Variants in PCNX2 observed in about 807,000 individuals in gnomAD.
PCNX2 encodes the protein pecanex 2.
PCNX2 carries 168 observed loss-of-function variants against 223.8 expected under a neutral mutation model. That is an observed-to-expected ratio of 0.75 (90% CI 0.66 to 0.85). PCNX2 has a LOEUF of 0.85. Ranked by LOEUF, PCNX2 falls within the 40% of genes least tolerant of loss-of-function variation. The pLI, the probability that PCNX2 is intolerant of heterozygous loss-of-function variation, is 0.00. For synonymous variants in PCNX2, 1,006 were observed against 1,052.6 expected (o/e 0.96, Z 0.86); for missense variants, 2,507 against 2,675.5 (o/e 0.94, Z 1.39).
chr1:233,276,447 ACACTT>A (rs934615769), intron 1 of PCNX2, among the ~76,000 whole-genome samples: 1 of 152,230 alleles, frequency 6.6e-6, no homozygotes, highest in African/African-American at 2.4e-5. Context: ...GCTCAACTGT[ACACTT>A]AAAGGTGGTT....
chr1:233,200,124 T>A, intron 14 of PCNX2, 30 bp downstream of exon 14: 1 of 1,484,204 alleles, frequency 6.7e-7, no homozygotes, highest in Non-Finnish European at 9.2e-7. Context: ...TGAATTCCTT[T>A]ACAGGAAGAA....
At chr1:233,028,837 TCC>T (rs1671170214) in intron 25 of PCNX2, among the ~76,000 whole-genome samples, 1 of 148,234 alleles carries the variant, frequency 6.7e-6, no homozygotes, top group African/African-American at 2.5e-5. Flanking sequence ...TTCTTTCCAG[TCC>T]TTTTTTTTTT....
At chr1:233,198,738 G>A (rs752554436) in intron 15 of PCNX2, among the ~76,000 whole-genome samples, 2 of 152,146 alleles carry the variant, frequency 1.3e-5, no homozygotes. Context: ...CCAGGAGGTG[G>A]GGGGCCTTTC....
chr1:233,173,025 C>A (rs1278599943), intron 17 of PCNX2, among the ~76,000 whole-genome samples: 1 of 152,152 alleles, frequency 6.6e-6, no homozygotes, highest in African/African-American at 2.4e-5. Flanking sequence ...CTCTGAAAAT[C>A]AATTTTTGAT....
At chr1:233,132,892 C>CTTT (rs892121349) in intron 21 of PCNX2, among the ~76,000 whole-genome samples, 172 of 114,816 alleles carry the variant, frequency 1.5e-3, no homozygotes, top group East Asian at 2.1e-3. Flanking sequence ...CATTTTACAT[C>CTTT]TTTTTTTTTT....
chr1:233,056,550 G>T (rs1672197348), intron 24 of PCNX2, among the ~76,000 whole-genome samples: 1 of 152,138 alleles, frequency 6.6e-6, no homozygotes, highest in Non-Finnish European at 1.5e-5. Context: ...CAAAAAATAA[G>T]CTTCTCTCTC....
intron 25 of PCNX2, among the ~76,000 whole-genome samples, chr1:233,053,540 CTT>C (rs1341528987): frequency 6.6e-6 from 1 of 152,170 alleles, no homozygotes; most frequent in East Asian, 1.9e-4. Flanking sequence ...TGATAAGACT[CTT>C]TTATGTCACG....
At chr1:233,310,922 G>A in the PCNX2 span, among the ~76,000 whole-genome samples, 17 of 152,214 alleles carry the variant, frequency 1.1e-4, no homozygotes, top group South Asian at 3.1e-3. Context: ...TTACCACAAG[G>A]AGTGTACCAG....
At chr1:233,114,431 G>C (rs986827961) in intron 21 of PCNX2, among the ~76,000 whole-genome samples, 3 of 152,238 alleles carry the variant, frequency 2.0e-5, no homozygotes, top group African/African-American at 4.8e-5. Flanking sequence ...ACGGAGACCA[G>C]TTGGTGCTGG....
intron 25 of PCNX2, among the ~76,000 whole-genome samples, chr1:233,043,171 T>G (rs1416162105): frequency 6.6e-6 from 1 of 152,230 alleles, no homozygotes. Context: ...TCATTCATTT[T>G]TCTCCTCTTC....
chr1:233,235,955 AAAATATATATAT>A (rs1431785813), intron 9 of PCNX2, among the ~76,000 whole-genome samples: 1 of 41,498 alleles, frequency 2.4e-5, no homozygotes, highest in African/African-American at 6.7e-5. Flanking sequence ...ATCATAAAAA[AAAATATATATAT>A]ATATATATAT....
chr1:233,118,744 C>G (rs548202132), intron 21 of PCNX2, among the ~76,000 whole-genome samples: 2 of 152,206 alleles, frequency 1.3e-5, no homozygotes, highest in African/African-American at 2.4e-5. Context: ...ACTGTAGTTA[C>G]AGATTGGAAG....
At position 233,161,322 on chromosome 1, in the gene PCNX2, A is replaced by G; in HGVS notation, c.3315T>C (p.Val1105=). The G allele has an allele frequency of 6.2e-7, 1 of 1,613,952 alleles. No homozygotes were observed. ...LKWDLIVCAV[V]AVLSFAVSAS... ...CGCTGACTGCAAATGAGAGGACAGC[A>G]ACCACTGCGCAGACGATGAGATCCC... The change falls in exon 18 of 34, where the codon GTT becomes GTC. Residue 1105 remains valine, a synonymous_variant. Transcript: ENST00000258229.
At chr1:233,112,745 T>C in intron 21 of PCNX2, 1 of 971,362 alleles carries the variant, frequency 1.0e-6, no homozygotes, top group Non-Finnish European at 1.3e-6. Flanking sequence ...TTTATTATAG[T>C]ATACTTTGGC....
chr1:233,298,104 T>C (rs1169766547), upstream of PCNX2, among the ~76,000 whole-genome samples: 3 of 152,096 alleles, frequency 2.0e-5, no homozygotes, highest in African/African-American at 7.2e-5. Context: ...ATAGGATTTA[T>C]ACTTGAGAGA....
chr1:233,181,843 A>G (rs1679820702), intron 15 of PCNX2, among the ~76,000 whole-genome samples: 1 of 152,192 alleles, frequency 6.6e-6, no homozygotes, highest in Non-Finnish European at 1.5e-5. Context: ...CAATATCTGT[A>G]ATCACCTCAC....
intron 28 of PCNX2, 43 bp downstream of exon 28, chr1:233,014,622 G>A (rs745727036): frequency 6.9e-7 from 1 of 1,447,544 alleles, no homozygotes; most frequent in South Asian, 1.2e-5. Flanking sequence ...ATGTGAAAGT[G>A]GGTGCCTGTA....
chr1:233,169,644 C>CAAA (rs200439765), intron 17 of PCNX2, among the ~76,000 whole-genome samples: 22 of 68,904 alleles, frequency 3.2e-4, no homozygotes, highest in African/African-American at 1.2e-3. Context: ...AACTCCGTCT[C>CAAA]AAAAAAAAAA....
At chr1:233,271,669 T>C (rs1660645602) in intron 1 of PCNX2, among the ~76,000 whole-genome samples, 1 of 152,248 alleles carries the variant, frequency 6.6e-6, no homozygotes, top group Non-Finnish European at 1.5e-5. Flanking sequence ...GAAATGAGGA[T>C]CCAGTTTCAT....
Sources: gnomAD v4.1 joint callset for allele counts (sites outside exome capture counted in the v4.1 genomes callset) on GRCh38, gnomAD v4.1.1 for gene constraint, MANE v1.5 for transcripts, NCBI Gene and HGNC (gene_info 2026-07-23, HGNC 2026-07-21) for gene names.